The following MMP26 variants were observed in gnomAD, a reference collection of about 807,000 sequenced individuals.
MMP26 encodes the protein matrix metallopeptidase 26.
MMP26 carries 33 observed loss-of-function variants against 31.0 expected under a neutral mutation model. That is an observed-to-expected ratio of 1.06 (90% CI 0.81 to 1.42). The LOEUF is 1.42. Ranked by LOEUF, MMP26 falls within the 40% of genes most tolerant of loss-of-function variation. The pLI is 0.00. For synonymous variants in MMP26, 122 were observed against 114.9 expected (o/e 1.06, Z -0.40); for missense variants, 347 against 316.1 (o/e 1.10, Z -0.74).
chr11:4,849,223 C>G (rs1158288306), intron 2 of MMP26: 1 of 1,579,816 alleles, frequency 6.3e-7, no homozygotes, highest in Non-Finnish European at 8.6e-7. Context: ...CAGGATTCCA[C>G]GTTGAACTCT....
chr11:4,717,222 A>T (rs536292426), intron 1 of MMP26, among the ~76,000 whole-genome samples: 85 of 152,284 alleles, frequency 5.6e-4, no homozygotes, highest in Admixed American at 1.4e-3. Context: ...TTGTTTTCTG[A>T]ACTATCCTAT....
intron 1 of MMP26, among the ~76,000 whole-genome samples, chr11:4,716,650 C>CTTTTTTTTTTTTTTTTTTT (rs71050424): frequency 3.1e-5 from 2 of 65,004 alleles, no homozygotes; most frequent in African/African-American, 6.8e-5. Context: ...TCTCTTACCT[C>CTTTTTTTTTTTTTTTTTTT]TTTTTTTTTT....
intron 2 of MMP26, among the ~76,000 whole-genome samples, chr11:4,898,854 T>A (rs1850754405): frequency 2.6e-5 from 4 of 151,368 alleles, no homozygotes; most frequent in Admixed American, 2.6e-4. Context: ...TGTGTGTGTG[T>A]GTGTGTGTGT....
At position 4,982,007 on chromosome 11, in the gene MMP26, C is replaced by T. The variant is rs533388255; in HGVS notation, c.-144-6061C>T. On this transcript the variant is annotated intron_variant, in intron 2 of 7. Transcript: ENST00000380390. ...ACAACAATTCCTTCTTCTGAAATAC[C>T]TCCTGACTGACCTGCCTGAAGTTGT... is the stretch of plus-strand genomic sequence containing the variant. Among the ~76,000 whole-genome samples the T allele has an allele frequency of 6.1e-4, 93 of 151,804 alleles. 1 individual carries two copies. The highest frequency in any genetic ancestry group is 2.2e-3 in the African/African-American group (91 of 41,378).
intron 1 of MMP26, among the ~76,000 whole-genome samples, chr11:4,764,899 C>CACAG (rs1291057928): frequency 1.3e-5 from 2 of 151,932 alleles, no homozygotes; most frequent in African/African-American, 4.8e-5. Context: ...CACACACACA[C>CACAG]AAAGAATACT....
chr11:4,760,830 C>G (rs1383874871), intron 1 of MMP26, among the ~76,000 whole-genome samples: 3 of 152,058 alleles, frequency 2.0e-5, no homozygotes, highest in African/African-American at 7.2e-5. Flanking sequence ...AATGGGCTGG[C>G]ATAGGTGTAA....
At chr11:4,830,261 T>C (rs1849629410) in intron 2 of MMP26, 2 of 152,156 alleles carry the variant, frequency 1.3e-5, no homozygotes, top group South Asian at 4.1e-4. Flanking sequence ...GTGAATGAAA[T>C]TGAATTTCCT....
intron 2 of MMP26, among the ~76,000 whole-genome samples, chr11:4,772,119 C>A (rs34971311): frequency 0.095 from 14,398 of 152,040 alleles, 848 homozygotes; most frequent in Middle Eastern, 0.15. Context: ...AAAGACAGAG[C>A]AAAAAAGAAA....
chr11:4,863,011 G>A (rs1467428733), intron 2 of MMP26, among the ~76,000 whole-genome samples: 1 of 152,110 alleles, frequency 6.6e-6, no homozygotes, highest in Admixed American at 6.6e-5. Context: ...TGTATCCCCA[G>A]CAATTCTTGT....
At chr11:4,959,118 G>C (rs1004258625) in intron 2 of MMP26, among the ~76,000 whole-genome samples, 1 of 151,562 alleles carries the variant, frequency 6.6e-6, no homozygotes, top group South Asian at 2.1e-4. Flanking sequence ...GGCGCCTGTA[G>C]TCCCAGCTAC....
chr11:4,741,924 C>G (rs550974381), intron 1 of MMP26, among the ~76,000 whole-genome samples: 4 of 152,224 alleles, frequency 2.6e-5, no homozygotes, highest in South Asian at 4.2e-4. Flanking sequence ...AAACATATGG[C>G]TATGTTCAAA....
At chr11:4,986,905 T>TTCTCTCTCTCTCTCTCTCTCTCTCCC (rs1846899295) in intron 2 of MMP26, among the ~76,000 whole-genome samples, 1 of 48,646 alleles carries the variant, frequency 2.1e-5, no homozygotes, top group African/African-American at 8.5e-5. Flanking sequence ...CTTCCTTCCT[T>TTCTCTCTCTCTCTCTCTCTCTCTCCC]TCTCTCTCTC....
intron 2 of MMP26, among the ~76,000 whole-genome samples, chr11:4,935,592 T>G (rs1453075265): frequency 1.4e-4 from 21 of 152,058 alleles, no homozygotes; most frequent in Admixed American, 3.3e-4. Flanking sequence ...TAATTGCCCT[T>G]GCCAGAACTT....
At chr11:4,880,371 G>C (rs1238293032) in intron 2 of MMP26, among the ~76,000 whole-genome samples, 1 of 151,922 alleles carries the variant, frequency 6.6e-6, no homozygotes, top group East Asian at 1.9e-4. Context: ...AAGATAAGGA[G>C]AGGAAGAAGA....
intron 2 of MMP26, among the ~76,000 whole-genome samples, chr11:4,846,712 A>G (rs1274804812): frequency 3.3e-5 from 5 of 152,188 alleles, no homozygotes; most frequent in Non-Finnish European, 7.4e-5. Context: ...TAAAAAATAT[A>G]TATTTATTAA....
At chr11:4,776,598 C>T (rs956778958) in intron 2 of MMP26, among the ~76,000 whole-genome samples, 1 of 152,044 alleles carries the variant, frequency 6.6e-6, no homozygotes, top group African/African-American at 2.4e-5. Flanking sequence ...TTGTAATCTC[C>T]AAAGTGTCAA....
At chr11:4,867,794 G>A (rs1850256917) in intron 2 of MMP26, among the ~76,000 whole-genome samples, 1 of 152,104 alleles carries the variant, frequency 6.6e-6, no homozygotes, top group South Asian at 2.1e-4. Flanking sequence ...ACTCTTAGTA[G>A]GAGTATAAAT....
intron 2 of MMP26, among the ~76,000 whole-genome samples, chr11:4,828,544 T>A (rs908164294): frequency 6.6e-6 from 1 of 152,154 alleles, no homozygotes; most frequent in Non-Finnish European, 1.5e-5. Context: ...AAAATTTACT[T>A]GTACTATCTA....
intron 2 of MMP26, among the ~76,000 whole-genome samples, chr11:4,794,456 A>G (rs746620635): frequency 6.6e-5 from 10 of 152,152 alleles, no homozygotes; most frequent in African/African-American, 2.4e-4. Flanking sequence ...GTTGAGTACT[A>G]TGAGGTTGCA....
Sources: allele counts gnomAD v4.1 joint callset (sites outside exome capture counted in the v4.1 genomes callset), GRCh38; gene constraint gnomAD v4.1.1; transcripts MANE v1.5; gene names NCBI Gene and HGNC (gene_info 2026-07-23, HGNC 2026-07-21).